The following IMMP2L variants were observed in gnomAD, a reference collection of about 807,000 sequenced individuals.
IMMP2L encodes the protein inner mitochondrial membrane peptidase subunit 2.
In IMMP2L, 18 loss-of-function variants were observed where a neutral mutation model predicts 19.3. The observed-to-expected ratio is 0.93, with a 90% CI of 0.64 to 1.38. The LOEUF (loss-of-function observed/expected upper bound fraction) is 1.38, where lower values mean the gene tolerates loss of function less well. Among genes scored for constraint, IMMP2L ranks in the 40% most tolerant of loss-of-function variants. IMMP2L has a pLI of 0.00. For synonymous variants in IMMP2L, 76 were observed against 73.0 expected (o/e 1.04, Z -0.21); for missense variants, 233 against 218.2 (o/e 1.07, Z -0.43).
intron 3 of IMMP2L, among the ~76,000 whole-genome samples, chr7:111,341,873 G>A (rs970099185): frequency 3.9e-5 from 6 of 152,116 alleles, no homozygotes; most frequent in Non-Finnish European, 8.8e-5. Flanking sequence ...GTTTGAGGCT[G>A]TGTGTTTGAT....
intron 5 of IMMP2L, among the ~76,000 whole-genome samples, chr7:110,722,610 A>G (rs1476641083): frequency 6.6e-6 from 1 of 152,184 alleles, no homozygotes; most frequent in Non-Finnish European, 1.5e-5. Context: ...GCAAATAGAT[A>G]GCATACATTG....
chr7:111,180,706 A>G (rs980060204), intron 3 of IMMP2L, among the ~76,000 whole-genome samples: 1 of 152,014 alleles, frequency 6.6e-6, no homozygotes, highest in African/African-American at 2.4e-5. Flanking sequence ...CCTACAATAA[A>G]ATTGTGCTGA....
chr7:111,182,082 A>T (rs1807772853), intron 3 of IMMP2L, among the ~76,000 whole-genome samples: 1 of 152,074 alleles, frequency 6.6e-6, no homozygotes, highest in South Asian at 2.1e-4. Flanking sequence ...TAAGTGTCAG[A>T]AGAGGGAATA....
intron 4 of IMMP2L, among the ~76,000 whole-genome samples, chr7:110,895,731 G>A (rs1012902070): frequency 5.9e-5 from 9 of 152,074 alleles, no homozygotes; most frequent in Non-Finnish European, 1.2e-4. Context: ...TAGCATAACT[G>A]TCTTGCACAT....
chr7:111,109,479 A>T (rs1798936474), intron 3 of IMMP2L, among the ~76,000 whole-genome samples: 1 of 152,172 alleles, frequency 6.6e-6, no homozygotes, highest in African/African-American at 2.4e-5. Flanking sequence ...GTGTTTCATT[A>T]ACAACTAGTA....
chr7:110,768,669 A>T (rs2131009217), intron 5 of IMMP2L, among the ~76,000 whole-genome samples: 1 of 152,094 alleles, frequency 6.6e-6, no homozygotes, highest in East Asian at 1.9e-4. Flanking sequence ...TATCCTATGG[A>T]CCTCTCAGTG....
chr7:111,012,594 A>G lies in IMMP2L; in HGVS notation c.240-49029T>C, dbSNP rs184152854. Among the ~76,000 whole-genome samples, 1,505 of 152,296 alleles carry G rather than the reference A, an allele frequency of 9.9e-3. 23 individuals carry two copies. The highest frequency in any genetic ancestry group is 0.033 in the African/African-American group (1,392 of 41,570). On this transcript the variant is annotated intron_variant, in intron 3 of 5. Transcript: ENST00000405709. ...AAAAATTTAAACCAACCTTAACAGA[A>G]ATTATGTTTTAGAAGGCCAATAAAT...
intron 5 of IMMP2L, among the ~76,000 whole-genome samples, chr7:110,706,242 A>G (rs548995105): frequency 6.6e-6 from 1 of 152,038 alleles, no homozygotes; most frequent in Admixed American, 6.6e-5. Flanking sequence ...AGCTGGGACT[A>G]TGAGCATGTG....
At chr7:111,175,430 T>C (rs1806935126) in intron 3 of IMMP2L, among the ~76,000 whole-genome samples, 1 of 151,870 alleles carries the variant, frequency 6.6e-6, no homozygotes, top group South Asian at 2.1e-4. Context: ...GAGATATAAA[T>C]ACAGTCCATT....
chr7:111,041,116 C>T (rs1791854308), intron 3 of IMMP2L, among the ~76,000 whole-genome samples: 1 of 151,990 alleles, frequency 6.6e-6, no homozygotes, highest in Non-Finnish European at 1.5e-5. Flanking sequence ...GGATTAGTGG[C>T]TAATTCTTAT....
intron 3 of IMMP2L, chr7:111,124,190 T>A (rs1244294076): frequency 1.2e-6 from 2 of 1,613,794 alleles, no homozygotes; most frequent in African/African-American, 2.7e-5. Context: ...ACAGACAAGT[T>A]CTATGTCCAT....
intron 3 of IMMP2L, among the ~76,000 whole-genome samples, chr7:111,208,774 C>T (rs970476591): frequency 6.6e-6 from 1 of 152,062 alleles, no homozygotes; most frequent in Non-Finnish European, 1.5e-5. Flanking sequence ...ATAGAAAATG[C>T]TATGATTTAC....
At chr7:110,817,245 A>G (rs1802605928) in intron 5 of IMMP2L, among the ~76,000 whole-genome samples, 1 of 152,120 alleles carries the variant, frequency 6.6e-6, no homozygotes, top group African/African-American at 2.4e-5. Flanking sequence ...CCTTAAGCTG[A>G]TAAGCAACTT....
intron 3 of IMMP2L, among the ~76,000 whole-genome samples, chr7:111,447,581 C>T (rs535150900): frequency 0.01 from 1,539 of 149,112 alleles, 25 homozygotes; most frequent in African/African-American, 0.035. Flanking sequence ...AAGGAACAAC[C>T]GGTACCAGCC....
chr7:111,431,234 A>G (rs575996551), intron 3 of IMMP2L, among the ~76,000 whole-genome samples: 54 of 152,014 alleles, frequency 3.6e-4, no homozygotes, highest in Non-Finnish European at 4.4e-5. Context: ...TTTGTTAGAT[A>G]ACAAAATCCA....
At chr7:111,465,501 TAAAA>T (rs757362734) in intron 3 of IMMP2L, among the ~76,000 whole-genome samples, 224 of 64,310 alleles carry the variant, frequency 3.5e-3, no homozygotes, top group African/African-American at 0.011. Context: ...CAGGTGTCAC[TAAAA>T]AAAAAAAAAA....
intron 4 of IMMP2L, among the ~76,000 whole-genome samples, chr7:110,947,892 A>G (rs1817414891): frequency 6.6e-6 from 1 of 152,190 alleles, no homozygotes; most frequent in African/African-American, 2.4e-5. Context: ...AACAAAGTAG[A>G]AAATCTCTTT....
At chr7:111,256,072 A>G (rs890672581) in intron 3 of IMMP2L, among the ~76,000 whole-genome samples, 31 of 152,188 alleles carry the variant, frequency 2.0e-4, no homozygotes, top group Non-Finnish European at 4.1e-4. Flanking sequence ...TATACTATAC[A>G]TTGTATATTA....
intron 3 of IMMP2L, chr7:111,392,074 C>A: frequency 1.5e-6 from 1 of 682,106 alleles, no homozygotes; most frequent in Non-Finnish European, 2.7e-6. Context: ...ATCCAGCATA[C>A]AGCAATGTGC....
Sources: gnomAD v4.1 joint callset for allele counts (sites outside exome capture counted in the v4.1 genomes callset) on GRCh38, gnomAD v4.1.1 for gene constraint, MANE v1.5 for transcripts, NCBI Gene and HGNC (gene_info 2026-07-23, HGNC 2026-07-21) for gene names.